The following DSCAM variants were observed in gnomAD, a reference collection of about 807,000 sequenced individuals.
The protein encoded by DSCAM is cell adhesion molecule DSCAM.
DSCAM carries 47 observed loss-of-function variants against 217.7 expected under a neutral mutation model. That is an observed-to-expected ratio of 0.22 (90% CI 0.17 to 0.28). The LOEUF is 0.28. Among genes scored for constraint, DSCAM ranks in the 10% least tolerant of loss-of-function variants. The pLI, the probability that DSCAM is intolerant of heterozygous loss-of-function variation, is 1.00. For missense variants in DSCAM, 2,080 were observed against 2,618.3 expected, an observed-to-expected ratio of 0.79 and a Z score of 4.49; for synonymous variants, 1,056 against 1,015.3, an observed-to-expected ratio of 1.04 and a Z score of -0.76.
intron 9 of DSCAM, among the ~76,000 whole-genome samples, chr21:40,303,407 C>G (rs1289802953): frequency 6.6e-6 from 1 of 152,094 alleles, no homozygotes; most frequent in Non-Finnish European, 1.5e-5. Context: ...TCACTTCAGT[C>G]AAGTCTCTGC....
intron 11 of DSCAM, among the ~76,000 whole-genome samples, chr21:40,220,576 T>C (rs568786988): frequency 6.6e-6 from 1 of 152,334 alleles, no homozygotes; most frequent in East Asian, 1.9e-4. Flanking sequence ...AGAAATTTGA[T>C]GTTATGCAAA....
At chr21:40,825,475 G>T (rs11702519) in intron 1 of DSCAM, among the ~76,000 whole-genome samples, 67,967 of 151,678 alleles carry the variant, frequency 0.45, 15,796 homozygotes, top group South Asian at 0.55. Flanking sequence ...TTACCACCAC[G>T]CCCGGCTAAT....
chr21:40,390,398 T>C (rs2075123311), intron 3 of DSCAM, among the ~76,000 whole-genome samples: 1 of 152,120 alleles, frequency 6.6e-6, no homozygotes, highest in African/African-American at 2.4e-5. Flanking sequence ...ACCTGAATAA[T>C]TCATGGAGAG....
At chr21:40,534,429 G>A (rs1444575800) in intron 3 of DSCAM, among the ~76,000 whole-genome samples, 2 of 152,122 alleles carry the variant, frequency 1.3e-5, no homozygotes, top group African/African-American at 4.8e-5. Context: ...GGAAAAATAG[G>A]AAATTCGACT....
At chr21:40,846,579 T>C (rs369996961) in intron 1 of DSCAM, 40 bp downstream of exon 1, 13 of 286,082 alleles carry the variant, frequency 4.5e-5, no homozygotes, top group Non-Finnish European at 5.9e-5. Flanking sequence ...CCCCGGTCAA[T>C]GATAAGGAAA....
chr21:40,389,598 C>A (rs533047320), intron 3 of DSCAM, among the ~76,000 whole-genome samples: 2 of 152,274 alleles, frequency 1.3e-5, no homozygotes, highest in Non-Finnish European at 2.9e-5. Context: ...AGCTTACCAT[C>A]TAAAACATAA....
intron 11 of DSCAM, among the ~76,000 whole-genome samples, chr21:40,235,673 C>T (rs1193125050): frequency 6.6e-6 from 1 of 152,040 alleles, no homozygotes; most frequent in African/African-American, 2.4e-5. Flanking sequence ...GACACTTCTT[C>T]AACTGTATTC....
chr21:40,530,823 C>T (rs906694452), intron 3 of DSCAM, among the ~76,000 whole-genome samples: 8 of 152,166 alleles, frequency 5.3e-5, no homozygotes, highest in African/African-American at 1.9e-4. Context: ...TGTCCACATC[C>T]GTGGTGTCCA....
chr21:40,647,331 T>G (rs537781280), intron 3 of DSCAM, among the ~76,000 whole-genome samples: 1 of 152,348 alleles, frequency 6.6e-6, no homozygotes, highest in East Asian at 1.9e-4. Context: ...AAAACTCTTC[T>G]GTAATATATT....
chr21:40,126,350 G>A (rs1568954163), intron 19 of DSCAM, among the ~76,000 whole-genome samples: 1 of 152,016 alleles, frequency 6.6e-6, no homozygotes, highest in Admixed American at 6.6e-5. Flanking sequence ...AAGAAGAAAA[G>A]AAGGAAAGAA....
intron 11 of DSCAM, among the ~76,000 whole-genome samples, chr21:40,233,265 G>A (rs1010724979): frequency 6.6e-6 from 1 of 152,032 alleles, no homozygotes; most frequent in Non-Finnish European, 1.5e-5. Flanking sequence ...AACTGAAAAA[G>A]AGGGTTTTTA....
chr21:40,038,216 C>T (rs1213323147), intron 32 of DSCAM, among the ~76,000 whole-genome samples: 1 of 128,808 alleles, frequency 7.8e-6, no homozygotes, highest in East Asian at 2.3e-4. Flanking sequence ...AAACTACCAT[C>T]AGAGTGAACA....
chr21:40,365,825 T>C (rs2074826494), intron 4 of DSCAM, among the ~76,000 whole-genome samples: 2 of 152,204 alleles, frequency 1.3e-5, no homozygotes, highest in African/African-American at 4.8e-5. Context: ...TTTTTACACA[T>C]TTAACAAGTC....
intron 3 of DSCAM, among the ~76,000 whole-genome samples, chr21:40,484,150 T>A (rs114598264): frequency 2.3e-3 from 356 of 152,284 alleles, no homozygotes; most frequent in African/African-American, 8.0e-3. Flanking sequence ...AAAGTCCACA[T>A]CCAAAGACTA....
At chr21:40,508,267 AAAAG>A (rs2076225013) in intron 3 of DSCAM, among the ~76,000 whole-genome samples, 1 of 152,198 alleles carries the variant, frequency 6.6e-6, no homozygotes, top group Non-Finnish European at 1.5e-5. Flanking sequence ...TAACTTTTAG[AAAAG>A]AAATAAATCA....
intron 3 of DSCAM, among the ~76,000 whole-genome samples, chr21:40,400,465 T>TCTTTGTAATTAATTACTTA (rs1426819084): frequency 6.6e-6 from 1 of 152,070 alleles, no homozygotes; most frequent in East Asian, 1.9e-4. Context: ...GTTTTAATAG[T>TCTTTGTAATTAATTACTTA]CTTTGTAAGT....
intron 16 of DSCAM, among the ~76,000 whole-genome samples, 193 bp downstream of exon 16, chr21:40,167,025 A>T (rs2090602519): frequency 6.6e-6 from 1 of 152,050 alleles, no homozygotes; most frequent in South Asian, 2.1e-4. Flanking sequence ...ATTCTCTGAG[A>T]CACAGAATTT....
intron 25 of DSCAM, among the ~76,000 whole-genome samples, chr21:40,079,546 C>A (rs2089421833): frequency 6.6e-6 from 1 of 152,186 alleles, no homozygotes; most frequent in Non-Finnish European, 1.5e-5. Flanking sequence ...GACCCCACCC[C>A]ACCTGGTAGG....
chr21:40,338,765 T>C (rs968096893), intron 7 of DSCAM, among the ~76,000 whole-genome samples: 2 of 152,288 alleles, frequency 1.3e-5, no homozygotes. Context: ...GGAGGTTACA[T>C]CACGTTGCAG....
Sources: gnomAD v4.1 joint callset for allele counts (sites outside exome capture counted in the v4.1 genomes callset) on GRCh38, gnomAD v4.1.1 for gene constraint, MANE v1.5 for transcripts, NCBI Gene and HGNC (gene_info 2026-07-23, HGNC 2026-07-21) for gene names.